Variants in DDX60 observed in about 807,000 individuals in gnomAD.
The protein encoded by DDX60 is probable ATP-dependent RNA helicase DDX60.
Under a neutral mutation model 212.8 loss-of-function variants are expected in DDX60, and 165 were observed. That is an observed-to-expected ratio of 0.78 (90% CI 0.68 to 0.88). DDX60 has a LOEUF of 0.88. Ranked by LOEUF, DDX60 falls within the 40% of genes least tolerant of loss-of-function variation. DDX60 has a pLI of 0.00. For synonymous variants in DDX60, 703 were observed against 685.3 expected, an observed-to-expected ratio of 1.03 and a Z score of -0.40; for missense variants, 1,905 against 2,003.9, an observed-to-expected ratio of 0.95 and a Z score of 0.94.
intron 5 of DDX60, among the ~76,000 whole-genome samples, chr4:168,303,646 A>C (rs763442645): frequency 6.6e-6 from 1 of 152,212 alleles, no homozygotes; most frequent in Non-Finnish European, 1.5e-5. Flanking sequence ...TCAAGTGTTC[A>C]TGAGGCTGGT....
chr4:168,313,807 C>G (rs903700763), intron 1 of DDX60, among the ~76,000 whole-genome samples: 1 of 152,112 alleles, frequency 6.6e-6, no homozygotes, highest in African/African-American at 2.4e-5. Context: ...AAATTAATAA[C>G]TATTTATGTC....
At chr4:168,302,827 A>G (rs1579076235) in intron 5 of DDX60, among the ~76,000 whole-genome samples, 1 of 152,174 alleles carries the variant, frequency 6.6e-6, no homozygotes, top group Admixed American at 6.6e-5. Context: ...CATACACATG[A>G]ATGAAAGATA....
chr4:168,241,326 T>C (rs2149499035), intron 30 of DDX60, among the ~76,000 whole-genome samples: 1 of 152,270 alleles, frequency 6.6e-6, no homozygotes, highest in Admixed American at 6.5e-5. Flanking sequence ...AATGTGGAAG[T>C]GACTTTGGAA....
At chr4:168,227,034 C>A (rs563772374) in intron 33 of DDX60, among the ~76,000 whole-genome samples, 14 of 152,108 alleles carry the variant, frequency 9.2e-5, no homozygotes, top group African/African-American at 3.1e-4. Flanking sequence ...GCAGCCCAAA[C>A]AGACTAAAAT....
chr4:168,228,513 C>A (rs1733336036), intron 33 of DDX60, among the ~76,000 whole-genome samples: 1 of 151,920 alleles, frequency 6.6e-6, no homozygotes, highest in Admixed American at 6.6e-5. Context: ...TATGTGCACA[C>A]TATTTTACTA....
At chr4:168,275,094 C>T (rs1477403513) in intron 16 of DDX60, among the ~76,000 whole-genome samples, 2 of 152,144 alleles carry the variant, frequency 1.3e-5, no homozygotes, top group Non-Finnish European at 2.9e-5. Flanking sequence ...AGCTGGATGA[C>T]ACTGAGATAA....
chr4:168,225,993 A>G (rs999476036), intron 33 of DDX60, among the ~76,000 whole-genome samples: 3 of 152,078 alleles, frequency 2.0e-5, no homozygotes, highest in African/African-American at 7.2e-5. Flanking sequence ...CAAAGACTCT[A>G]GTGACACATT....
chr4:168,248,697 GCAA>G (rs1734106081), intron 28 of DDX60, among the ~76,000 whole-genome samples: 2 of 151,882 alleles, frequency 1.3e-5, no homozygotes, highest in African/African-American at 4.8e-5. Context: ...CAGACTCCAA[GCAA>G]GATTCATTAT....
chr4:168,280,213 A>G (rs1735527968), intron 14 of DDX60, 122 bp downstream of exon 14: 1 of 1,256,944 alleles, frequency 8.0e-7, no homozygotes, highest in Non-Finnish European at 1.1e-6. Context: ...GTAATAATGT[A>G]TAAAGTAAGA....
chr4:168,283,041 A>T (rs1442127651), intron 13 of DDX60, among the ~76,000 whole-genome samples: 1 of 152,192 alleles, frequency 6.6e-6, no homozygotes, highest in Non-Finnish European at 1.5e-5. Flanking sequence ...TCAATCATTT[A>T]AATACTTTGG....
At chr4:168,265,857 G>T (rs1410563546) in intron 22 of DDX60, among the ~76,000 whole-genome samples, 1 of 137,226 alleles carries the variant, frequency 7.3e-6, no homozygotes, top group Non-Finnish European at 1.6e-5. Context: ...GAAGGGAAGG[G>T]AAGGGAAGGG....
In DDX60 at chr4:168,251,053, C is replaced by T; in HGVS notation, c.3759G>A (p.Leu1253=). 1 of 1,613,630 alleles carries T rather than the reference C, an allele frequency of 6.2e-7. No individual in the cohort carries two copies. Among genetic ancestry groups the T allele is most frequent in the South Asian group, 1.1e-5 (1 of 91,020 alleles). ...CAATACCCCTTTCTGCCAAGGCTTT[C>T]AATTCTTCACCTTTTCTTTCAAATT... ...RVKFERKGEE[L]KALAERGIGY... The change falls in exon 28 of 38, where the codon TTG becomes TTA. Residue 1253 remains leucine (L), a synonymous_variant. Coordinates refer to ENST00000393743, the MANE Select transcript of DDX60 (RefSeq NM_017631.6).
Position 168,246,633 on chromosome 4 carries a change from G to C in DDX60, c.3964-15C>G, listed in dbSNP as rs757019148. 2 of 1,613,110 alleles carry C rather than the reference G, an allele frequency of 1.2e-6. No homozygotes were observed. Among genetic ancestry groups the C allele is most frequent in the African/African-American group, 1.3e-5 (1 of 74,820 alleles). The stretch of plus-strand genomic sequence containing the variant: ...CGGCCAGACATCTGAAAAGAGAATA[G>C]AATTACAATGTAAAACTTCCCTAAA... On this transcript the variant is annotated splice_polypyrimidine_tract_variant and intron_variant, in intron 29 of 37. Coordinates refer to ENST00000393743, the MANE Select transcript of DDX60 (RefSeq NM_017631.6).
At chr4:168,262,460 CA>C (rs59392012) in intron 23 of DDX60, among the ~76,000 whole-genome samples, 9,010 of 121,274 alleles carry the variant, frequency 0.074, 502 homozygotes, top group East Asian at 0.24. Flanking sequence ...GAAAAGATTT[CA>C]AAAAAAAAAA....
chr4:168,247,706 G>T (rs1220735025), intron 29 of DDX60, among the ~76,000 whole-genome samples: 1 of 152,132 alleles, frequency 6.6e-6, no homozygotes, highest in African/African-American at 2.4e-5. Flanking sequence ...TACAGAAATT[G>T]CAAGGCAAAA....
intron 26 of DDX60, among the ~76,000 whole-genome samples, chr4:168,254,196 TC>T (rs1217806681): frequency 2.0e-5 from 3 of 152,178 alleles, no homozygotes; most frequent in Non-Finnish European, 4.4e-5. Context: ...GAGAATGAGC[TC>T]CGGGTGGGCA....
At chr4:168,301,989 C>T (rs1416114319) in intron 6 of DDX60, among the ~76,000 whole-genome samples, 1 of 152,206 alleles carries the variant, frequency 6.6e-6, no homozygotes, top group Non-Finnish European at 1.5e-5. Flanking sequence ...GACTGAGAAA[C>T]TGTTACAGAC....
intron 6 of DDX60, among the ~76,000 whole-genome samples, chr4:168,295,164 C>T (rs1039782503): frequency 4.6e-5 from 7 of 152,108 alleles, no homozygotes; most frequent in African/African-American, 7.2e-5. Context: ...TTATGTAAAA[C>T]GATATGAAGC....
chr4:168,324,336 T>C, the DDX60 span, among the ~76,000 whole-genome samples: 1 of 148,310 alleles, frequency 6.7e-6, no homozygotes, highest in African/African-American at 2.6e-5. Context: ...CAATATTTTG[T>C]ATCAGAAGTC....
Sources: allele counts gnomAD v4.1 joint callset (sites outside exome capture counted in the v4.1 genomes callset), GRCh38; gene constraint gnomAD v4.1.1; transcripts MANE v1.5; gene names NCBI Gene and HGNC (gene_info 2026-07-23, HGNC 2026-07-21).